The following STARD13 variants were observed in gnomAD, a reference collection of about 807,000 sequenced individuals.
The protein encoded by STARD13 is stAR-related lipid transfer protein 13.
Under a neutral mutation model 106.4 loss-of-function variants are expected in STARD13, and 62 were observed. The observed-to-expected ratio is 0.58, with a 90% CI of 0.48 to 0.72. STARD13 has a LOEUF of 0.72. Ranked by LOEUF, STARD13 falls within the 30% of genes least tolerant of loss-of-function variation. STARD13 has a pLI of 0.00. For synonymous variants in STARD13, 565 were observed against 553.0 expected, an observed-to-expected ratio of 1.02 and a Z score of -0.31; for missense variants, 1,387 against 1,424.0, an observed-to-expected ratio of 0.97 and a Z score of 0.42.
chr13:33,301,887 T>TCC (rs34288040), intron 1 of STARD13, among the ~76,000 whole-genome samples: 1 of 151,890 alleles, frequency 6.6e-6, no homozygotes, highest in Non-Finnish European at 1.5e-5. Flanking sequence ...AGTTTCTTTT[T>TCC]TTAGAAAGAC....
the STARD13 span, among the ~76,000 whole-genome samples, chr13:33,450,595 A>T: frequency 1.3e-5 from 2 of 152,258 alleles, no homozygotes; most frequent in Admixed American, 6.5e-5. Context: ...GCTAGAAGAC[A>T]GCTCTATAAC....
rs188301214 is a variant in STARD13 at position 33,105,544 on chromosome 13, G to A, written c.*49C>T. 5.0e-5 allele frequency: 66 copies of A among 1,327,990 alleles called. 1 individual carries two copies. In the Middle Eastern group the frequency reaches 3.6e-3, roughly 73 times the overall value. The allele number at this position is 1,327,990 out of a possible 1,614,324, so 82.3% of individuals were successfully genotyped here. ...CACATGCACACTCTCTGCCACACTC[G>A]TCACTTTAGCTTCCTCTTCCCTGAG... On this transcript the variant is annotated 3_prime_UTR_variant, in exon 14 of 14. Coordinates refer to ENST00000336934, the MANE Select transcript of STARD13 (RefSeq NM_178006.4).
At chr13:33,258,892 G>C (rs994998256) in intron 1 of STARD13, among the ~76,000 whole-genome samples, 2 of 152,232 alleles carry the variant, frequency 1.3e-5, no homozygotes, top group African/African-American at 4.8e-5. Context: ...TCTCCTATAA[G>C]TGTCTTTCTG....
At chr13:33,176,750 A>C (rs760342070) in intron 1 of STARD13, among the ~76,000 whole-genome samples, 2 of 152,218 alleles carry the variant, frequency 1.3e-5, no homozygotes, top group African/African-American at 2.4e-5. Flanking sequence ...TGCATCAATG[A>C]CTTGTATCAT....
chr13:33,404,798 A>G, the STARD13 span, among the ~76,000 whole-genome samples: 3 of 135,456 alleles, frequency 2.2e-5, no homozygotes, highest in Admixed American at 7.8e-5. Context: ...TTTTTTTGAG[A>G]CAGAGTCTCA....
intron 1 of STARD13, among the ~76,000 whole-genome samples, chr13:33,224,194 G>A (rs1172535914): frequency 6.6e-6 from 1 of 152,206 alleles, no homozygotes; most frequent in Non-Finnish European, 1.5e-5. Context: ...AACTTGAGGG[G>A]AGAAACAAAG....
chr13:33,499,577 TTCTTCTTC>T, the STARD13 span, among the ~76,000 whole-genome samples: 1 of 69,574 alleles, frequency 1.4e-5, no homozygotes, highest in South Asian at 5.7e-4. Context: ...CTTCTTCTTC[TTCTTCTTC>T]TTCTTCTTCT....
chr13:33,378,359 C>CT, the STARD13 span, among the ~76,000 whole-genome samples: 3 of 152,190 alleles, frequency 2.0e-5, no homozygotes, highest in Non-Finnish European at 4.4e-5. Flanking sequence ...TCCTCATGCC[C>CT]TTTCTCCTCT....
the STARD13 span, among the ~76,000 whole-genome samples, chr13:33,469,715 A>G: frequency 6.6e-6 from 1 of 152,068 alleles, no homozygotes; most frequent in Non-Finnish European, 1.5e-5. Context: ...TTTAATTAAG[A>G]GGAAATTGAC....
At chr13:33,633,795 C>T in the STARD13 span, among the ~76,000 whole-genome samples, 3 of 152,104 alleles carry the variant, frequency 2.0e-5, no homozygotes, top group Non-Finnish European at 2.9e-5. Context: ...CGTGACTCTG[C>T]AAACAGCACC....
chr13:33,415,609 A>T, the STARD13 span, among the ~76,000 whole-genome samples: 142 of 152,116 alleles, frequency 9.3e-4, no homozygotes, highest in African/African-American at 3.0e-3. Flanking sequence ...TCTTCCTCTC[A>T]TTTCATTTTT....
At chr13:33,571,616 T>C in the STARD13 span, among the ~76,000 whole-genome samples, 3 of 152,190 alleles carry the variant, frequency 2.0e-5, no homozygotes, top group Non-Finnish European at 4.4e-5. Context: ...CTATATCCTA[T>C]ATTCAAGTTC....
At chr13:33,428,954 A>G in the STARD13 span, among the ~76,000 whole-genome samples, 1 of 152,214 alleles carries the variant, frequency 6.6e-6, no homozygotes, top group Admixed American at 6.5e-5. Context: ...AGAGAAATGC[A>G]TATCAAAACT....
At chr13:33,328,771 G>A (rs901032327) in intron 1 of STARD13, among the ~76,000 whole-genome samples, 1 of 152,188 alleles carries the variant, frequency 6.6e-6, no homozygotes, top group Admixed American at 6.5e-5. Context: ...AGTGGAGGTA[G>A]GCATCAAATT....
intron 1 of STARD13, among the ~76,000 whole-genome samples, chr13:33,314,012 C>T (rs1893237132): frequency 6.6e-6 from 1 of 152,166 alleles, no homozygotes; most frequent in Non-Finnish European, 1.5e-5. Context: ...GTATCTCCAT[C>T]ACACACATGG....
chr13:33,559,848 C>T, the STARD13 span, among the ~76,000 whole-genome samples: 3 of 151,376 alleles, frequency 2.0e-5, no homozygotes, highest in Non-Finnish European at 4.4e-5. Flanking sequence ...CAGAGTGAGA[C>T]TCCATCTCAA....
At chr13:33,574,601 G>A in the STARD13 span, among the ~76,000 whole-genome samples, 42 of 152,192 alleles carry the variant, frequency 2.8e-4, no homozygotes, top group African/African-American at 8.9e-4. Context: ...AATTAGCCAG[G>A]TGTGGTGACA....
At chr13:33,486,491 A>G in the STARD13 span, among the ~76,000 whole-genome samples, 1 of 152,206 alleles carries the variant, frequency 6.6e-6, no homozygotes, top group Non-Finnish European at 1.5e-5. Flanking sequence ...AAAACAATAT[A>G]CTGTAATAAA....
At chr13:33,577,492 A>G in the STARD13 span, among the ~76,000 whole-genome samples, 1 of 152,210 alleles carries the variant, frequency 6.6e-6, no homozygotes, top group Non-Finnish European at 1.5e-5. Flanking sequence ...CAATAATGCT[A>G]TGAGGTAAAA....
Sources: allele counts gnomAD v4.1 joint callset (sites outside exome capture counted in the v4.1 genomes callset), GRCh38; gene constraint gnomAD v4.1.1; transcripts MANE v1.5; gene names NCBI Gene and HGNC (gene_info 2026-07-23, HGNC 2026-07-21).